Variants in DGKG observed in about 807,000 individuals in gnomAD.
The protein encoded by DGKG is DAG kinase gamma.
Under a neutral mutation model 105.3 loss-of-function variants are expected in DGKG, and 78 were observed. That is an observed-to-expected ratio of 0.74 (90% CI 0.62 to 0.89). The LOEUF is 0.89. DGKG is among the 40% of genes least tolerant of loss of function. The pLI, the probability that DGKG is intolerant of heterozygous loss-of-function variation, is 0.00. For synonymous variants in DGKG, 346 were observed against 367.1 expected, an observed-to-expected ratio of 0.94 and a Z score of 0.66; for missense variants, 958 against 1,020.1, an observed-to-expected ratio of 0.94 and a Z score of 0.83.
intron 1 of DGKG, among the ~76,000 whole-genome samples, chr3:186,355,544 TCAC>T (rs1267286893): frequency 6.2e-5 from 9 of 144,768 alleles, no homozygotes; most frequent in Non-Finnish European, 9.1e-5. Context: ...ATCACCACTA[TCAC>T]CACCACCACC....
chr3:186,355,282 T>TCAC (rs1726877256), intron 1 of DGKG, among the ~76,000 whole-genome samples: 1 of 23,646 alleles, frequency 4.2e-5, no homozygotes, highest in African/African-American at 3.1e-4. Flanking sequence ...ACCAGCACGA[T>TCAC]CATCATCACC....
rs1479566100 is a variant in DGKG, at chr3:186,355,693, T to TCACCATCAC, written c.-249+6244_-249+6252dup. ...TACCACTACCATCATTACCCCATTA[T>TCACCATCAC]CACCATCACCAGCACCAGCACCAGC... On this transcript the variant is annotated intron_variant, in intron 1 of 24. Coordinates refer to ENST00000265022, the MANE Select transcript of DGKG (RefSeq NM_001346.3). Among the ~76,000 whole-genome samples the TCACCATCAC allele has an allele frequency of 6.7e-3, 1,018 of 151,002 alleles. 7 individuals are homozygous for TCACCATCAC. The highest frequency in any genetic ancestry group is 0.011 in the Non-Finnish European group (735 of 67,704).
chr3:186,257,485 T>C (rs999496439), intron 17 of DGKG, among the ~76,000 whole-genome samples: 26 of 152,198 alleles, frequency 1.7e-4, no homozygotes, highest in Admixed American at 3.3e-4. Flanking sequence ...TCCCAGGCTA[T>C]GATCTATGCT....
chr3:186,242,731 A>T (rs1336164328), intron 19 of DGKG, 163 bp from the exon 20 acceptor site: 1 of 558,456 alleles, frequency 1.8e-6, no homozygotes, highest in East Asian at 3.0e-5. Flanking sequence ...ACAGAGGCTC[A>T]ACACTGCCTC....
chr3:186,288,907 A>G, intron 5 of DGKG, 27 bp from the exon 6 acceptor site: 1 of 1,520,958 alleles, frequency 6.6e-7, no homozygotes, highest in Non-Finnish European at 8.8e-7. Flanking sequence ...GAAAACATCC[A>G]AGGACATTTT....
intron 6 of DGKG, among the ~76,000 whole-genome samples, chr3:186,288,437 T>C (rs960764337): frequency 9.2e-4 from 140 of 152,344 alleles, no homozygotes; most frequent in African/African-American, 3.1e-3. Flanking sequence ...TCTTGACCAC[T>C]TGATGGGACC....
intron 20 of DGKG, among the ~76,000 whole-genome samples, chr3:186,224,852 A>T (rs185044871): frequency 1.3e-5 from 2 of 151,644 alleles, no homozygotes; most frequent in Admixed American, 6.6e-5. Context: ...CTGCAGGCTC[A>T]TGAGGAGTTG....
At chr3:186,182,422 G>A (rs959217265) in intron 22 of DGKG, among the ~76,000 whole-genome samples, 4 of 152,158 alleles carry the variant, frequency 2.6e-5, no homozygotes, top group Non-Finnish European at 5.9e-5. Context: ...GGCTGAGGGA[G>A]GGAGACCATA....
chr3:186,306,394 G>T (rs1724240116), intron 3 of DGKG, among the ~76,000 whole-genome samples: 1 of 152,134 alleles, frequency 6.6e-6, no homozygotes, highest in Admixed American at 6.6e-5. Flanking sequence ...ATAGAGAAAA[G>T]GAGGGACGAG....
intron 23 of DGKG, among the ~76,000 whole-genome samples, chr3:186,162,826 G>A (rs1171965211): frequency 6.6e-6 from 1 of 152,200 alleles, no homozygotes; most frequent in African/African-American, 2.4e-5. Context: ...ACAGGCGTGA[G>A]CCACCGCGCC....
chr3:186,232,976 GAC>G (rs1042254898), intron 20 of DGKG, among the ~76,000 whole-genome samples: 8 of 152,122 alleles, frequency 5.3e-5, no homozygotes, highest in Non-Finnish European at 7.4e-5. Context: ...CTCTGTAATA[GAC>G]ACTTTAAATG....
intron 20 of DGKG, among the ~76,000 whole-genome samples, chr3:186,228,815 C>T (rs1719983808): frequency 6.6e-6 from 1 of 152,214 alleles, no homozygotes; most frequent in Admixed American, 6.5e-5. Flanking sequence ...GAAAACAAAG[C>T]TACCATATTA....
chr3:186,315,239 A>G (rs1379569042), intron 2 of DGKG, among the ~76,000 whole-genome samples: 1 of 152,172 alleles, frequency 6.6e-6, no homozygotes, highest in Non-Finnish European at 1.5e-5. Context: ...GACCACTAGT[A>G]ATTAATGTAT....
At chr3:186,159,004 T>C (rs1443185064) in intron 24 of DGKG, 1 of 255,106 alleles carries the variant, frequency 3.9e-6, no homozygotes, top group Non-Finnish European at 6.1e-6. Context: ...ATATTATATA[T>C]ACGTATGTAT....
intron 14 of DGKG, among the ~76,000 whole-genome samples, chr3:186,264,819 G>T (rs554626708): frequency 6.6e-5 from 10 of 152,278 alleles, no homozygotes; most frequent in Admixed American, 5.9e-4. Context: ...TAAAAAAAAT[G>T]AGTTCTTAAG....
In DGKG at chr3:186,325,027, C is replaced by T. The variant is rs145826202; in HGVS notation, c.-248-4320G>A. On this transcript the variant is annotated intron_variant, in intron 1 of 24. Transcript: ENST00000265022. ...CATATACCATACAATACTACACAGC[C>T]GTAAAAAAGAATGAAATCATGTCCT... 8.0e-4 allele frequency among the ~76,000 whole-genome samples: 121 copies of T among 152,176 alleles called. 1 individual carries two copies. In the East Asian group the frequency reaches 0.013, roughly 17 times the overall value.
At chr3:186,352,616 C>G (rs1479494857) in intron 1 of DGKG, among the ~76,000 whole-genome samples, 1 of 152,236 alleles carries the variant, frequency 6.6e-6, no homozygotes, top group African/African-American at 2.4e-5. Flanking sequence ...AATGAAACCA[C>G]TATCTTCCCA....
chr3:186,218,804 CA>C (rs1719429042), intron 20 of DGKG, among the ~76,000 whole-genome samples: 1 of 152,138 alleles, frequency 6.6e-6, no homozygotes, highest in Non-Finnish European at 1.5e-5. Flanking sequence ...AGCTAGCCAA[CA>C]GGACATTTCT....
chr3:186,283,355 G>A (rs1172366955), intron 7 of DGKG, among the ~76,000 whole-genome samples: 3 of 151,850 alleles, frequency 2.0e-5, no homozygotes, highest in Non-Finnish European at 4.4e-5. Flanking sequence ...ACACTGGCCC[G>A]GAGTGAATCT....
Sources: allele counts gnomAD v4.1 joint callset (sites outside exome capture counted in the v4.1 genomes callset), GRCh38; gene constraint gnomAD v4.1.1; transcripts MANE v1.5; gene names NCBI Gene and HGNC (gene_info 2026-07-23, HGNC 2026-07-21).